The following RAF1 variants were observed in gnomAD, a reference collection of about 807,000 sequenced individuals.
RAF1 encodes RAF proto-oncogene serine/threonine-protein kinase.
A neutral mutation model predicts 81.1 loss-of-function variants in RAF1; 27 were observed. The ratio of observed to expected loss-of-function variants is 0.33; its 90% CI spans 0.25 to 0.46. The LOEUF is 0.46. RAF1 is among the 20% of genes least tolerant of loss of function. RAF1 has a pLI of 1.00. For missense variants in RAF1, 598 were observed against 826.0 expected (o/e 0.72, Z 3.38); for synonymous variants, 298 against 294.0 (o/e 1.01, Z -0.14).
At chr3:12,608,454 T>C in intron 5 of RAF1, 1 of 385,734 alleles carries the variant, frequency 2.6e-6, no homozygotes, top group South Asian at 2.4e-5. Context: ...ATAATACTAT[T>C]AAGAGCGAAA....
At chr3:12,623,849 C>T (rs28633721) in intron 1 of RAF1, among the ~76,000 whole-genome samples, 142,666 of 142,688 alleles carry the variant, frequency 1, 71,322 homozygotes, top group Middle Eastern at 1. Context: ...TTTCCTAACC[C>T]TTTTCTTTTT....
At chr3:12,617,891 A>G (rs542009597) in intron 2 of RAF1, among the ~76,000 whole-genome samples, 10 of 146,622 alleles carry the variant, frequency 6.8e-5, no homozygotes, top group South Asian at 2.1e-4. Flanking sequence ...AAAAAAAAAA[A>G]AGAAAAGAAA....
chr3:12,660,672 A>G (rs571023291), intron 1 of RAF1, among the ~76,000 whole-genome samples: 21 of 152,282 alleles, frequency 1.4e-4, no homozygotes, highest in African/African-American at 4.8e-4. Flanking sequence ...ACTACAATTT[A>G]TAATCACAAA....
chr3:12,606,986 C>T (rs2059055155), intron 5 of RAF1, among the ~76,000 whole-genome samples: 1 of 152,190 alleles, frequency 6.6e-6, no homozygotes, highest in Admixed American at 6.5e-5. Context: ...CCACCGCGCC[C>T]GGCCCAGTGT....
Position 12,610,303 on chromosome 3 carries a change from T to C in RAF1, c.321-968A>G, listed in dbSNP as rs1002505661. 3.3e-5 allele frequency among the ~76,000 whole-genome samples: 5 copies of C among 152,188 alleles called. No individual in the cohort carries two copies. The East Asian group carries it at 9.6e-4, about 29-fold the overall frequency. On this transcript the variant is annotated intron_variant, in intron 3 of 17. Coordinates refer to ENST00000442415, the MANE Select transcript of RAF1 (RefSeq NM_001354689.3). ...TTTCTCACTATCCAACAGTAAACAA[T>C]ACATTCCTTAATATAATTACCTATA...
intron 1 of RAF1, among the ~76,000 whole-genome samples, chr3:12,625,136 T>G (rs1168706953): frequency 1.3e-5 from 2 of 152,080 alleles, no homozygotes; most frequent in Admixed American, 1.3e-4. Flanking sequence ...CAGGCTGGAG[T>G]GCAGTGGCGC....
intron 2 of RAF1, among the ~76,000 whole-genome samples, chr3:12,615,576 G>A (rs747534184): frequency 1.2e-4 from 19 of 152,256 alleles, no homozygotes; most frequent in Middle Eastern, 3.4e-3. Context: ...CTCAAGCTGC[G>A]TGCCTGGTGA....
intron 1 of RAF1, among the ~76,000 whole-genome samples, chr3:12,655,158 C>A (rs1033983430): frequency 1.3e-5 from 2 of 152,248 alleles, no homozygotes; most frequent in Admixed American, 6.5e-5. Context: ...TCTCAGCTCA[C>A]TGCAACCTCT....
chr3:12,645,118 A>T (rs1213806920), intron 1 of RAF1, among the ~76,000 whole-genome samples: 2 of 151,684 alleles, frequency 1.3e-5, no homozygotes, highest in African/African-American at 2.4e-5. Flanking sequence ...AAAAAAAAAA[A>T]AAATAAGGTG....
intron 1 of RAF1, among the ~76,000 whole-genome samples, chr3:12,625,233 G>A (rs1182145759): frequency 2.0e-5 from 3 of 151,802 alleles, no homozygotes; most frequent in Admixed American, 6.6e-5. Flanking sequence ...ACAGGCATGC[G>A]CCACTATGTC....
chr3:12,637,609 C>G (rs2060068853), intron 1 of RAF1, among the ~76,000 whole-genome samples: 1 of 151,852 alleles, frequency 6.6e-6, no homozygotes, highest in Non-Finnish European at 1.5e-5. Context: ...CAGTGGCTCG[C>G]AGGAGGCTGA....
rs2058804921 is a variant in RAF1 at position 12,599,917 on chromosome 3, A to C, written c.1051-109T>G. 3 of 1,204,224 alleles carry C rather than the reference A, an allele frequency of 2.5e-6. No homozygotes were observed. In the East Asian group the frequency reaches 7.0e-5, roughly 28 times the overall value. The allele number at this position is 1,204,224 out of a possible 1,614,324, so 74.6% of individuals were successfully genotyped here. ...TCATCTGTTTCCATATCTTTTAAAG[A>C]TAAACATATTAACCATACTTCCAAT... On this transcript the variant is annotated intron_variant, in intron 10 of 17. Transcript: ENST00000442415.
At chr3:12,598,739 A>AC (rs2058763456) in intron 11 of RAF1, among the ~76,000 whole-genome samples, 2 of 148,650 alleles carry the variant, frequency 1.3e-5, no homozygotes, top group African/African-American at 5.0e-5. Context: ...AAAAAAAAAA[A>AC]AAAAAAAAAA....
At chr3:12,631,308 T>C (rs1344407740) in intron 1 of RAF1, among the ~76,000 whole-genome samples, 1 of 152,096 alleles carries the variant, frequency 6.6e-6, no homozygotes, top group African/African-American at 2.4e-5. Flanking sequence ...TACTAAATGG[T>C]TCAATAGTGG....
At position 12,604,010 on chromosome 3, in the gene RAF1, A is replaced by C. The variant is rs1011380747; in HGVS notation, c.834+126T>G. On this transcript the variant is annotated intron_variant, in intron 7 of 17. Transcript: ENST00000442415. ...ATTATGGATATAAAATAAACTGTAA[A>C]AGTCCAGAGACCTGAGAAAGTGTTG... The C allele has an allele frequency of 7.3e-5, 79 of 1,076,808 alleles. No individual in the cohort carries two copies. The South Asian group carries it at 9.8e-4, about 13-fold the overall frequency. 66.7% of individuals were successfully genotyped at this position (1,076,808 alleles called of 1,614,324 possible).
At chr3:12,631,301 T>G (rs1355648508) in intron 1 of RAF1, among the ~76,000 whole-genome samples, 1 of 152,182 alleles carries the variant, frequency 6.6e-6, no homozygotes, top group East Asian at 1.9e-4. Context: ...GAGTTGTTAC[T>G]AAATGGTTCA....
chr3:12,590,623 G>A lies in RAF1; in HGVS notation c.1430+175C>T, dbSNP rs1038118692. On this transcript the variant is annotated intron_variant, in intron 13 of 17. Coordinates refer to ENST00000442415, the MANE Select transcript of RAF1 (RefSeq NM_001354689.3). The stretch of plus-strand genomic sequence containing the variant: ...TTACAGGTGTGAGCCACCCCACCCA[G>A]CTGGAACCTGAACAACTCATTCCTG... 6.7e-6 allele frequency: 5 copies of A among 742,246 alleles called. No individual in the cohort carries two copies. The Admixed American group carries it at 8.9e-5, about 13-fold the overall frequency. 46.0% of individuals were successfully genotyped at this position (742,246 alleles called of 1,614,324 possible). A position where few individuals can be genotyped will look rare whatever the true frequency, so the allele number is the denominator to read the frequency against.
In RAF1 at chr3:12,618,554, G is replaced by A. The variant is rs1553616614; in HGVS notation, c.168C>T (p.Asn56=). Residue 56 remains asparagine (N), a synonymous_variant, in exon 2 of 18, where the codon AAC becomes AAT. Transcript: ENST00000442415. ...TGTTCGGCAAGAAAACACGGATAGT[G>A]TTGCTTGTCTTAGAAGGATCTGTGA... The A allele has an allele frequency of 6.2e-7, 1 of 1,614,224 alleles. No individual in the cohort carries two copies. The highest frequency in any genetic ancestry group is 8.5e-7 in the Non-Finnish European group (1 of 1,180,044).
At chr3:12,648,968 C>G (rs1430025464) in intron 1 of RAF1, among the ~76,000 whole-genome samples, 1 of 152,002 alleles carries the variant, frequency 6.6e-6, no homozygotes, top group African/African-American at 2.4e-5. Context: ...TACAAAATTA[C>G]CCAGGCGTGG....
Sources: allele counts gnomAD v4.1 joint callset (sites outside exome capture counted in the v4.1 genomes callset), GRCh38; gene constraint gnomAD v4.1.1; transcripts MANE v1.5; gene names NCBI Gene and HGNC (gene_info 2026-07-23, HGNC 2026-07-21).